Variants in VPS13B observed in about 807,000 individuals in gnomAD.
VPS13B encodes the protein intermembrane lipid transfer protein VPS13B.
Under a neutral mutation model 426.4 loss-of-function variants are expected in VPS13B, and 285 were observed. The ratio of observed to expected loss-of-function variants is 0.67; its 90% CI spans 0.61 to 0.74. The LOEUF (loss-of-function observed/expected upper bound fraction) is 0.74, where lower values mean the gene tolerates loss of function less well. Among genes scored for constraint, VPS13B ranks in the 30% least tolerant of loss-of-function variants. The probability of loss-of-function intolerance (pLI) is 0.00; values close to 1 mark genes in which losing one functional copy is unlikely to be tolerated. For missense variants in VPS13B, 4,537 were observed against 4,782.6 expected, an observed-to-expected ratio of 0.95 and a Z score of 1.51; for synonymous variants, 1,676 against 1,676.4, an observed-to-expected ratio of 1.00 and a Z score of 0.01.
chr8:99,450,005 A>T (rs1167195990), intron 23 of VPS13B, among the ~76,000 whole-genome samples: 1 of 151,966 alleles, frequency 6.6e-6, no homozygotes, highest in African/African-American at 2.4e-5. Context: ...GGGTTTCATC[A>T]TGTTGGCCAG....
intron 33 of VPS13B, among the ~76,000 whole-genome samples, chr8:99,581,787 A>G (rs767822446): frequency 6.6e-6 from 1 of 152,214 alleles, no homozygotes; most frequent in Non-Finnish European, 1.5e-5. Context: ...AGGCTGAGAA[A>G]TTACATAAAA....
Position 99,501,726 on chromosome 8 carries a change from G to A in VPS13B, c.3910G>A (p.Asp1304Asn). 6.2e-7 allele frequency: 1 copy of A among 1,614,028 alleles called. No individual in the cohort carries two copies. Among genetic ancestry groups the A allele is most frequent in the Non-Finnish European group, 8.5e-7 (1 of 1,179,996 alleles). ...IQAGEESPFS[D>N]SVTLEQTTSN... ...AGCAGGTGAGGAATCACCATTCTCA[G>A]ATTCTGTGACCTTGGAACAAACTAC... Residue 1304 changes from aspartate to asparagine, a missense_variant, in exon 26 of 62, where the codon GAT (aspartate) becomes AAT (asparagine). Physicochemically the swap from Asp to Asn is conservative, Grantham distance 23. Around this residue, in one of 2 missense-constraint regions of VPS13B, gnomAD observed 4,311 missense variants for 4,474.3 expected, o/e 0.96. Transcript: ENST00000357162.
intron 23 of VPS13B, among the ~76,000 whole-genome samples, chr8:99,450,028 T>G (rs1298918661): frequency 6.6e-6 from 1 of 152,060 alleles, no homozygotes; most frequent in African/African-American, 2.4e-5. Context: ...TGATCTTGAT[T>G]TCTTGACCTC....
At chr8:99,497,896 A>G (rs1007437062) in intron 25 of VPS13B, among the ~76,000 whole-genome samples, 4 of 152,156 alleles carry the variant, frequency 2.6e-5, no homozygotes, top group Admixed American at 2.6e-4. Context: ...TTTTGTTCTT[A>G]ACATTTAGAG....
chr8:99,817,479 A>G, intron 44 of VPS13B, 61 bp from the exon 45 acceptor site: 3 of 1,585,616 alleles, frequency 1.9e-6, no homozygotes, highest in Non-Finnish European at 2.6e-6. Flanking sequence ...TTGAATGATA[A>G]CATATTTCCA....
At chr8:99,152,911 T>C (rs1811148094) in intron 14 of VPS13B, among the ~76,000 whole-genome samples, 1 of 152,192 alleles carries the variant, frequency 6.6e-6, no homozygotes, top group Non-Finnish European at 1.5e-5. Context: ...GTGTGGTGGC[T>C]CATGCTTGTA....
chr8:99,781,436 T>A (rs1221280975), intron 42 of VPS13B, among the ~76,000 whole-genome samples: 1 of 152,196 alleles, frequency 6.6e-6, no homozygotes, highest in Non-Finnish European at 1.5e-5. Flanking sequence ...AGCCATCTTT[T>A]AATTATGATT....
intron 36 of VPS13B, among the ~76,000 whole-genome samples, chr8:99,712,106 A>T (rs1009496716): frequency 6.6e-6 from 1 of 152,200 alleles, no homozygotes; most frequent in African/African-American, 2.4e-5. Flanking sequence ...TTGGTTAAAG[A>T]TATTATTTGT....
At chr8:99,871,847 G>C (rs1257146738) in intron 61 of VPS13B, 150 bp downstream of exon 61, 14 of 1,443,210 alleles carry the variant, frequency 9.7e-6, no homozygotes, top group African/African-American at 4.2e-5. Flanking sequence ...AGGAAGTGTA[G>C]AGGCCGGAGG....
At chr8:99,423,187 T>C (rs918734882) in intron 21 of VPS13B, among the ~76,000 whole-genome samples, 2 of 152,136 alleles carry the variant, frequency 1.3e-5, no homozygotes, top group African/African-American at 4.8e-5. Flanking sequence ...ATTGTTTGCA[T>C]GCACCCTCAC....
intron 4 of VPS13B, among the ~76,000 whole-genome samples, chr8:99,097,578 A>C (rs1846496395): frequency 6.6e-6 from 1 of 152,148 alleles, no homozygotes; most frequent in Admixed American, 6.5e-5. Flanking sequence ...TGTCATGTCC[A>C]GGTGTGTGTG....
intron 24 of VPS13B, among the ~76,000 whole-genome samples, chr8:99,473,831 C>T (rs1291511557): frequency 1.3e-5 from 2 of 152,002 alleles, no homozygotes; most frequent in Non-Finnish European, 2.9e-5. Flanking sequence ...TGTATTAAAA[C>T]CATTTGTATT....
chr8:99,655,741 AAAG>A (rs981427243), intron 34 of VPS13B, among the ~76,000 whole-genome samples: 5 of 152,336 alleles, frequency 3.3e-5, no homozygotes, highest in South Asian at 4.1e-4. Flanking sequence ...AAAAGGTTAA[AAAG>A]AAGAAGAAGA....
chr8:99,764,631 G>T (rs996622403), intron 39 of VPS13B, among the ~76,000 whole-genome samples: 1 of 151,762 alleles, frequency 6.6e-6, no homozygotes. Flanking sequence ...GATCAGGCTG[G>T]TCTTGAACTC....
At chr8:99,206,818 A>C (rs77580918) in intron 17 of VPS13B, among the ~76,000 whole-genome samples, 3,291 of 152,224 alleles carry the variant, frequency 0.022, 128 homozygotes, top group African/African-American at 0.075. Context: ...TGATTTTTCT[A>C]TTCCTCTGTT....
At chr8:99,396,224 A>G (rs1348894263) in intron 21 of VPS13B, among the ~76,000 whole-genome samples, 1 of 152,170 alleles carries the variant, frequency 6.6e-6, no homozygotes, top group African/African-American at 2.4e-5. Context: ...GGAATTATCT[A>G]TGTATCTGTA....
intron 26 of VPS13B, 139 bp from the exon 27 acceptor site, chr8:99,502,697 T>G (rs1821308108): frequency 1.4e-6 from 1 of 735,090 alleles, no homozygotes; most frequent in Non-Finnish European, 2.4e-6. Flanking sequence ...GCTGATTTGC[T>G]TATTATTCTA....
At chr8:99,530,940 G>A (rs1020393043) in intron 30 of VPS13B, among the ~76,000 whole-genome samples, 1 of 152,102 alleles carries the variant, frequency 6.6e-6, no homozygotes, top group Non-Finnish European at 1.5e-5. Context: ...AGATGTACCA[G>A]CTGTAGTTTA....
chr8:99,661,283 T>G, intron 34 of VPS13B, 71 bp from the exon 35 acceptor site: 4 of 1,587,670 alleles, frequency 2.5e-6, no homozygotes. Flanking sequence ...ATTTATTAAC[T>G]CAAACTCATA....
Sources: gnomAD v4.1 joint callset for allele counts (sites outside exome capture counted in the v4.1 genomes callset) on GRCh38, gnomAD v4.1.1 for gene constraint, gnomAD v4.1.1 regional missense constraint, MANE v1.5 for transcripts, NCBI Gene and HGNC (gene_info 2026-07-23, HGNC 2026-07-21) for gene names.